ASAP2: variants seen among roughly 807,000 people sequenced by gnomAD.
The protein encoded by ASAP2 is arf-GAP with SH3 domain, ANK repeat and PH domain-containing protein 2.
ASAP2 carries 45 observed loss-of-function variants against 131.4 expected under a neutral mutation model. The ratio of observed to expected loss-of-function variants is 0.34; its 90% CI spans 0.27 to 0.44. ASAP2 has a LOEUF of 0.44. Among genes scored for constraint, ASAP2 ranks in the 20% least tolerant of loss-of-function variants. ASAP2 has a pLI of 1.00. For missense variants in ASAP2, 1,011 were observed against 1,297.0 expected, an observed-to-expected ratio of 0.78 and a Z score of 3.39; for synonymous variants, 510 against 503.0, an observed-to-expected ratio of 1.01 and a Z score of -0.19.
At chr2:9,266,738 G>A (rs2148231128) in intron 1 of ASAP2, among the ~76,000 whole-genome samples, 1 of 152,346 alleles carries the variant, frequency 6.6e-6, no homozygotes, top group African/African-American at 2.4e-5. Flanking sequence ...TACTTTAGGA[G>A]CTCAGAAAAA....
intron 21 of ASAP2, among the ~76,000 whole-genome samples, chr2:9,386,047 A>G (rs192631951): frequency 1.7e-4 from 26 of 152,130 alleles, no homozygotes; most frequent in African/African-American, 5.3e-4. Flanking sequence ...ACCCACTTCC[A>G]TCTGTCCTTC....
chr2:9,292,996 G>A (rs1316260235), intron 2 of ASAP2, among the ~76,000 whole-genome samples: 1 of 152,212 alleles, frequency 6.6e-6, no homozygotes, highest in Non-Finnish European at 1.5e-5. Context: ...TACATGTGTG[G>A]CCCGTAGAGG....
chr2:9,313,959 C>T (rs1434978435), intron 3 of ASAP2, among the ~76,000 whole-genome samples: 2 of 152,082 alleles, frequency 1.3e-5, no homozygotes, highest in African/African-American at 4.8e-5. Flanking sequence ...GGGCAGGCAT[C>T]GTGTTTCATT....
intron 9 of ASAP2, among the ~76,000 whole-genome samples, chr2:9,343,127 G>A (rs1284374962): frequency 2.0e-5 from 3 of 152,206 alleles, no homozygotes; most frequent in Non-Finnish European, 4.4e-5. Flanking sequence ...GGGGAAAGAA[G>A]ATGGTGTAAT....
chr2:9,345,966 C>A (rs1671936220), intron 11 of ASAP2, among the ~76,000 whole-genome samples: 1 of 151,816 alleles, frequency 6.6e-6, no homozygotes, highest in Admixed American at 6.6e-5. Flanking sequence ...ATAGTATATA[C>A]CCAGTGGAGG....
In ASAP2 at chr2:9,331,596, G is replaced by C. The variant is rs181808734; in HGVS notation, c.687-3142G>C. Among the ~76,000 whole-genome samples, 183 of 152,040 alleles carry C rather than the reference G, an allele frequency of 1.2e-3. 1 individual carries two copies. Among genetic ancestry groups the C allele is most frequent in the African/African-American group, 4.2e-3 (176 of 41,476 alleles). On this transcript the variant is annotated intron_variant, in intron 7 of 27. Transcript: ENST00000281419. Reference sequence around the variant, plus strand: ...CAGCCTGGCCAACATGGTGAAACCTGGTCTCTACTAAAAATACAAAAATTA... The same window carrying C: ...CAGCCTGGCCAACATGGTGAAACCTCGTCTCTACTAAAAATACAAAAATTA...
At chr2:9,386,987 G>T (rs866422304) in intron 21 of ASAP2, among the ~76,000 whole-genome samples, 1 of 151,856 alleles carries the variant, frequency 6.6e-6, no homozygotes, top group Non-Finnish European at 1.5e-5. Context: ...GGCGGATCAC[G>T]AGGTCAGGAG....
chr2:9,322,752 G>A (rs1411372083), intron 5 of ASAP2, among the ~76,000 whole-genome samples: 2 of 152,204 alleles, frequency 1.3e-5, no homozygotes, highest in Non-Finnish European at 2.9e-5. Context: ...GACTAGGGAG[G>A]AAGTCCAGGA....
At position 9,393,477 on chromosome 2, in the gene ASAP2, C is replaced by G. The variant is rs748115424; in HGVS notation, c.2519-5C>G. 4 of 1,603,242 alleles carry G rather than the reference C, an allele frequency of 2.5e-6. No individual in the cohort carries two copies. Among genetic ancestry groups the G allele is most frequent in the Non-Finnish European group, 2.6e-6 (3 of 1,175,130 alleles). On this transcript the variant is annotated splice_region_variant and splice_polypyrimidine_tract_variant and intron_variant, in intron 23 of 27. Coordinates refer to ENST00000281419, the MANE Select transcript of ASAP2 (RefSeq NM_003887.3). ...CCTCTGCACGTCTCTCCCTGTCCTC[C>G]GCAGATCCCCTGACCCCCACGCCGC...
chr2:9,258,349 T>C (rs1665322213), intron 1 of ASAP2, among the ~76,000 whole-genome samples: 1 of 151,698 alleles, frequency 6.6e-6, no homozygotes, highest in Middle Eastern at 3.4e-3. Context: ...TTTTTTTTTT[T>C]TTTTGAGACT....
chr2:9,214,540 G>A (rs12479189), intron 1 of ASAP2, among the ~76,000 whole-genome samples: 10,690 of 151,904 alleles, frequency 0.07, 388 homozygotes, highest in African/African-American at 0.095. Context: ...GCGCCCGGCT[G>A]CCTTTCCAGG....
chr2:9,218,255 C>T (rs1048937516), intron 1 of ASAP2, among the ~76,000 whole-genome samples: 1 of 152,168 alleles, frequency 6.6e-6, no homozygotes, highest in South Asian at 2.1e-4. Flanking sequence ...TTGTTGATCA[C>T]CTGCAGTCCC....
chr2:9,378,976 G>A lies in ASAP2; in HGVS notation c.1865G>A (p.Ser622Asn), dbSNP rs1175584680. The A allele has an allele frequency of 1.1e-5, 17 of 1,529,378 alleles. No homozygotes were observed. In the Admixed American group the frequency reaches 3.2e-4, roughly 29 times the overall value. 94.7% of individuals were successfully genotyped at this position (1,529,378 alleles called of 1,614,324 possible). The change falls in exon 19 of 28, where the codon AGC (serine) becomes AAC (asparagine). Residue 622 changes from serine to asparagine, a missense_variant. Ser to Asn is a conservative substitution (Grantham distance 46, BLOSUM62 1). This residue lies in a region of ASAP2 where 652 missense variants were observed against 698.9 expected (regional missense o/e 0.93). Transcript: ENST00000281419. ...GNLDKQTGKG[S>N]TALHYCCLTD... The stretch of plus-strand genomic sequence containing the variant: ...CTGGATAAACAGACAGGGAAAGGCA[G>A]CACAGCCCTGCACTACTGCTGCCTG...
rs143300065 is a variant in ASAP2 at position 9,270,250 on chromosome 2, A to AGTTCCC, written c.127-9064_127-9059dup. Among the ~76,000 whole-genome samples the AGTTCCC allele has an allele frequency of 6.8e-3, 1,040 of 152,272 alleles. 13 individuals carry two copies. The highest frequency in any genetic ancestry group is 0.024 in the African/African-American group (991 of 41,560). On this transcript the variant is annotated intron_variant, in intron 1 of 27. Coordinates refer to ENST00000281419, the MANE Select transcript of ASAP2 (RefSeq NM_003887.3). ...CCTTTGTTTGTGTTTTTTACACATA[A>AGTTCCC]GTTCCCGTGAAAGTTGCTTTTCCCC...
intron 9 of ASAP2, among the ~76,000 whole-genome samples, chr2:9,338,599 G>A (rs1671377554): frequency 6.6e-6 from 1 of 152,160 alleles, no homozygotes; most frequent in Admixed American, 6.5e-5. Flanking sequence ...CACCCTCAGT[G>A]GAGGACTCGT....
At chr2:9,255,132 T>C (rs1227891562) in intron 1 of ASAP2, among the ~76,000 whole-genome samples, 2 of 152,236 alleles carry the variant, frequency 1.3e-5, no homozygotes, top group African/African-American at 2.4e-5. Context: ...TGGAATCTTA[T>C]TGTGGTTTAA....
chr2:9,381,111 G>A (rs930837078), intron 20 of ASAP2, among the ~76,000 whole-genome samples: 1 of 152,254 alleles, frequency 6.6e-6, no homozygotes, highest in Non-Finnish European at 1.5e-5. Flanking sequence ...GCCACCACAA[G>A]GGCCTGCTCT....
At chr2:9,342,750 ACT>A (rs1173597928) in intron 9 of ASAP2, among the ~76,000 whole-genome samples, 5 of 152,102 alleles carry the variant, frequency 3.3e-5, no homozygotes, top group African/African-American at 1.2e-4. Context: ...TGCAGTCGAA[ACT>A]CTGACTCCAG....
At chr2:9,325,085 GATGAA>G (rs1670396549) in intron 6 of ASAP2, among the ~76,000 whole-genome samples, 2 of 152,186 alleles carry the variant, frequency 1.3e-5, no homozygotes, top group South Asian at 4.2e-4. Context: ...ATATTCACTT[GATGAA>G]ATGAATTCTC....
Sources: allele counts gnomAD v4.1 joint callset (sites outside exome capture counted in the v4.1 genomes callset), GRCh38; gene constraint gnomAD v4.1.1; regional missense constraint gnomAD v4.1.1; transcripts MANE v1.5; gene names NCBI Gene and HGNC (gene_info 2026-07-23, HGNC 2026-07-21).